Variants in HDGFL3 observed in about 807,000 individuals in gnomAD.
HDGFL3 encodes the protein hepatoma-derived growth factor-related protein 3.
In HDGFL3, 6 loss-of-function variants were observed where a neutral mutation model predicts 27.6. The observed-to-expected ratio is 0.22, with a 90% CI of 0.12 to 0.43. HDGFL3 has a LOEUF of 0.43. HDGFL3 is among the 20% of genes least tolerant of loss of function. The pLI is 1.00. For synonymous variants in HDGFL3, 88 were observed against 88.9 expected, an observed-to-expected ratio of 0.99 and a Z score of 0.05; for missense variants, 207 against 250.1, an observed-to-expected ratio of 0.83 and a Z score of 1.16.
At chr15:83,181,243 T>C (rs1245076360) in intron 1 of HDGFL3, among the ~76,000 whole-genome samples, 1 of 152,134 alleles carries the variant, frequency 6.6e-6, no homozygotes, top group Non-Finnish European at 1.5e-5. Flanking sequence ...AGGGGATGTA[T>C]GCAGGCTGTA....
At chr15:83,119,463 C>A in intron 3 of HDGFL3, 1 of 1,076,176 alleles carries the variant, frequency 9.3e-7, no homozygotes, top group Non-Finnish European at 1.4e-6. Flanking sequence ...ATAGTTTCAT[C>A]TTAGCAGATG....
At chr15:83,127,119 G>A (rs546263751), downstream of HDGFL3, among the ~76,000 whole-genome samples, 19 of 151,952 alleles carry the variant, frequency 1.3e-4, no homozygotes, top group South Asian at 4.2e-4. Context: ...GCTTGAACCC[G>A]GGAGGTGGAG....
chr15:83,140,208 GGA>G (rs891139975), intron 5 of HDGFL3, among the ~76,000 whole-genome samples: 1 of 152,056 alleles, frequency 6.6e-6, no homozygotes, highest in African/African-American at 2.4e-5. Flanking sequence ...GACCTTCAAA[GGA>G]GAGAGAGTTA....
Position 83,207,590 on chromosome 15 carries a change from G to T in HDGFL3, c.-176C>A. 2.8e-6 allele frequency: 1 copy of T among 351,580 alleles called. No individual in the cohort carries two copies. The highest frequency in any genetic ancestry group is 4.9e-6 in the Non-Finnish European group (1 of 202,402). 21.8% of individuals were successfully genotyped at this position (351,580 alleles called of 1,614,324 possible). A position where few individuals can be genotyped will look rare whatever the true frequency, so the allele number is the denominator to read the frequency against. On this transcript the variant is annotated 5_prime_UTR_variant, in exon 1 of 6. Transcript: ENST00000299633. The surrounding 1 kb of genome is among the most constrained non-coding windows in gnomAD (Gnocchi z 4.8). ...CGGCTGAGGCAAGGGGTGGGCGGGG[G>T]GCGCAGCAGGCCCGGCAAATCACGG...
chr15:83,151,509 A>C, intron 4 of HDGFL3, 148 bp from the exon 5 acceptor site: 1 of 629,532 alleles, frequency 1.6e-6, no homozygotes, highest in Non-Finnish European at 2.6e-6. Flanking sequence ...GCCAAGGCTG[A>C]GCTAGGTGAC....
chr15:83,147,002 T>C (rs973231399), intron 5 of HDGFL3, among the ~76,000 whole-genome samples: 2 of 152,088 alleles, frequency 1.3e-5, no homozygotes, highest in Non-Finnish European at 2.9e-5. Flanking sequence ...ACTCTGCCTT[T>C]CCTTCCAATT....
chr15:83,146,861 A>G (rs2036902493), intron 5 of HDGFL3, among the ~76,000 whole-genome samples: 1 of 152,090 alleles, frequency 6.6e-6, no homozygotes, highest in Non-Finnish European at 1.5e-5. Flanking sequence ...TCTCTCTTGA[A>G]TCTTCCAACA....
intron 1 of HDGFL3, among the ~76,000 whole-genome samples, chr15:83,164,367 C>CAAAAAAA (rs869303457): frequency 4.4e-4 from 17 of 38,386 alleles, no homozygotes; most frequent in Non-Finnish European, 7.7e-4. Context: ...TTAGAGTAAC[C>CAAAAAAA]AAAAAAAAAA....
rs2036360810 is a variant in HDGFL3 at position 83,133,052 on chromosome 15, T to C, written c.*6218A>G. ...AAGTGCTTGACACTGTCTAAGCATG[T>C]CACAAACATCACCTCACTGAACCCT... On this transcript the variant is annotated 3_prime_UTR_variant, in exon 6 of 6. Coordinates refer to ENST00000299633, the MANE Select transcript of HDGFL3 (RefSeq NM_016073.4). 1 of 152,184 alleles carries C rather than the reference T, an allele frequency of 6.6e-6. No individual in the cohort carries two copies. The highest frequency in any genetic ancestry group is 6.5e-5 in the Admixed American group (1 of 15,282). The allele number at this position is 152,184 out of a possible 1,614,324, so 9.4% of individuals were successfully genotyped here.
chr15:83,173,879 A>C (rs2037276645), intron 1 of HDGFL3, among the ~76,000 whole-genome samples: 1 of 152,186 alleles, frequency 6.6e-6, no homozygotes, highest in Non-Finnish European at 1.5e-5. Context: ...TCTGGTATCC[A>C]TTCTCTTGAA....
intron 5 of HDGFL3, among the ~76,000 whole-genome samples, chr15:83,146,754 T>C (rs911653276): frequency 1.3e-5 from 2 of 152,218 alleles, no homozygotes; most frequent in African/African-American, 4.8e-5. Context: ...AGACCACTGG[T>C]CTCAAGCAAG....
chr15:83,186,205 T>C (rs976909223), intron 1 of HDGFL3: 1 of 152,214 alleles, frequency 6.6e-6, no homozygotes, highest in African/African-American at 2.4e-5. Context: ...TAAATGTGTA[T>C]TGTTTTAAGC....
At chr15:83,167,427 G>A (rs927647305) in intron 1 of HDGFL3, among the ~76,000 whole-genome samples, 2 of 152,026 alleles carry the variant, frequency 1.3e-5, no homozygotes, top group South Asian at 2.1e-4. Flanking sequence ...GCGTGGTGGC[G>A]GATGCCTGTA....
intron 5 of HDGFL3, among the ~76,000 whole-genome samples, chr15:83,146,986 C>G (rs1458452743): frequency 1.3e-5 from 2 of 152,116 alleles, no homozygotes; most frequent in African/African-American, 4.8e-5. Flanking sequence ...GTATCCGTGC[C>G]CAAATACTCT....
At chr15:83,192,137 T>C (rs1317655872) in intron 1 of HDGFL3, 2 of 326,674 alleles carry the variant, frequency 6.1e-6, no homozygotes, top group African/African-American at 2.3e-5. Flanking sequence ...AGGTGGGGTT[T>C]CACCATGTTG....
intron 2 of HDGFL3, among the ~76,000 whole-genome samples, chr15:83,163,313 C>T (rs552057798): frequency 6.6e-6 from 1 of 152,232 alleles, no homozygotes; most frequent in Admixed American, 6.5e-5. Context: ...CTTCTCTTTC[C>T]TCCTTCCCAC....
At chr15:83,195,661 T>A (rs909141768) in intron 1 of HDGFL3, among the ~76,000 whole-genome samples, 2 of 152,124 alleles carry the variant, frequency 1.3e-5, no homozygotes, top group African/African-American at 4.8e-5. Flanking sequence ...AGTTCTACCT[T>A]CACATGGAAA....
intron 5 of HDGFL3, among the ~76,000 whole-genome samples, chr15:83,150,558 T>C (rs2036951275): frequency 6.6e-6 from 1 of 152,156 alleles, no homozygotes; most frequent in Non-Finnish European, 1.5e-5. Context: ...CAGATAAATT[T>C]CTTAGGTCAT....
At chr15:83,113,075 C>A in exon 4 of HDGFL3, 2 of 618,782 alleles carry the variant, frequency 3.2e-6, no homozygotes, top group Non-Finnish European at 5.8e-6. Context: ...GCCTCTCAGG[C>A]AGTGGACTCC....
Sources: allele counts gnomAD v4.1 joint callset (sites outside exome capture counted in the v4.1 genomes callset), GRCh38; gene constraint gnomAD v4.1.1; non-coding constraint Gnocchi (gnomAD v3.1); transcripts MANE v1.5; gene names NCBI Gene and HGNC (gene_info 2026-07-23, HGNC 2026-07-21).